CNBD1: variants seen among roughly 807,000 people sequenced by gnomAD.
CNBD1 encodes the protein cyclic nucleotide-binding domain-containing protein 1.
Under a neutral mutation model 54.4 loss-of-function variants are expected in CNBD1, and 71 were observed. That is an observed-to-expected ratio of 1.30 (90% CI 1.08 to 1.59). The LOEUF (loss-of-function observed/expected upper bound fraction) is 1.59. Ranked by LOEUF, CNBD1 falls within the 40% of genes most tolerant of loss-of-function variation. CNBD1 has a pLI of 0.00. For missense variants in CNBD1, 659 were observed against 518.0 expected (o/e 1.27, Z -2.64); for synonymous variants, 182 against 170.7 (o/e 1.07, Z -0.51).
chr8:86,923,069 C>A (rs532212215), intron 3 of CNBD1, among the ~76,000 whole-genome samples: 1 of 152,152 alleles, frequency 6.6e-6, no homozygotes. Context: ...GCGTTTTTAA[C>A]AAAGAATTGG....
At chr8:87,172,014 G>T (rs547060478) in intron 4 of CNBD1, among the ~76,000 whole-genome samples, 1 of 152,158 alleles carries the variant, frequency 6.6e-6, no homozygotes, top group African/African-American at 2.4e-5. Context: ...CAAAGGTTTT[G>T]TGTGTTGTGT....
intron 3 of CNBD1, among the ~76,000 whole-genome samples, chr8:86,911,491 A>C (rs1226408460): frequency 6.6e-6 from 1 of 152,228 alleles, no homozygotes; most frequent in East Asian, 1.9e-4. Context: ...AGATGTATGT[A>C]TTTTTGGACA....
At chr8:87,014,596 A>C (rs901948638) in intron 4 of CNBD1, among the ~76,000 whole-genome samples, 50 of 152,092 alleles carry the variant, frequency 3.3e-4, no homozygotes, top group African/African-American at 9.9e-4. Context: ...AAACTACAAG[A>C]TTAATTGGGT....
At chr8:87,123,510 C>G (rs1186515635) in intron 4 of CNBD1, among the ~76,000 whole-genome samples, 5 of 151,638 alleles carry the variant, frequency 3.3e-5, no homozygotes, top group African/African-American at 1.2e-4. Context: ...TTATGGAATG[C>G]AGCAAAAGCA....
At chr8:87,384,936 A>T (rs1322639834), downstream of CNBD1, among the ~76,000 whole-genome samples, 1 of 152,202 alleles carries the variant, frequency 6.6e-6, no homozygotes, top group Non-Finnish European at 1.5e-5. Context: ...GGGGAAAAGT[A>T]AATGTGAGAC....
chr8:86,944,255 T>C (rs1807412221), intron 4 of CNBD1, among the ~76,000 whole-genome samples: 1 of 152,258 alleles, frequency 6.6e-6, no homozygotes, highest in Non-Finnish European at 1.5e-5. Flanking sequence ...CATTAATTAA[T>C]GAATCCAACA....
intron 2 of CNBD1, among the ~76,000 whole-genome samples, chr8:87,411,364 A>G (rs1807738313): frequency 7.3e-6 from 1 of 137,496 alleles, no homozygotes; most frequent in Non-Finnish European, 1.5e-5. Flanking sequence ...GCTTTGCCCA[A>G]GCATTTCATA....
intron 2 of CNBD1, among the ~76,000 whole-genome samples, chr8:87,406,447 T>TACACACACACACACAC (rs36222951): frequency 8.2e-6 from 1 of 122,166 alleles, no homozygotes; most frequent in African/African-American, 3.6e-5. Flanking sequence ...TATGTGTGTA[T>TACACACACACACACAC]ACACACACAC....
At chr8:86,870,211 C>T (rs1320126998) in intron 1 of CNBD1, among the ~76,000 whole-genome samples, 2 of 29,690 alleles carry the variant, frequency 6.7e-5, no homozygotes, top group African/African-American at 2.2e-4. Context: ...TTTTCTGAGA[C>T]GGAATCTCGC....
intron 8 of CNBD1, among the ~76,000 whole-genome samples, chr8:87,301,219 AC>A (rs1252271036): frequency 6.6e-6 from 1 of 152,148 alleles, no homozygotes; most frequent in Non-Finnish European, 1.5e-5. Context: ...AAAATTGCCA[AC>A]AAAAAAAGTC....
chr8:87,205,759 G>A (rs1336441431), intron 4 of CNBD1, among the ~76,000 whole-genome samples: 1 of 152,052 alleles, frequency 6.6e-6, no homozygotes, highest in Non-Finnish European at 1.5e-5. Context: ...TATTTAAAAA[G>A]GCATTGTGTA....
At chr8:87,272,902 C>T (rs186947953) in intron 6 of CNBD1, among the ~76,000 whole-genome samples, 1 of 151,798 alleles carries the variant, frequency 6.6e-6, no homozygotes, top group African/African-American at 2.4e-5. Context: ...CATTATAACA[C>T]AGAAATATTT....
chr8:87,400,858 A>T (rs1395376962), intron 2 of CNBD1, among the ~76,000 whole-genome samples: 1 of 152,014 alleles, frequency 6.6e-6, no homozygotes, highest in Non-Finnish European at 1.5e-5. Context: ...TGCTTTTTAA[A>T]GAATAATCAT....
At chr8:87,172,941 C>G (rs991165864) in intron 4 of CNBD1, among the ~76,000 whole-genome samples, 6 of 151,694 alleles carry the variant, frequency 4.0e-5, no homozygotes, top group African/African-American at 1.5e-4. Context: ...TATTTTGTGG[C>G]CTTTCTCTTC....
intron 2 of CNBD1, among the ~76,000 whole-genome samples, chr8:87,396,891 CTTT>C (rs34163158): frequency 7.2e-6 from 1 of 139,440 alleles, no homozygotes; most frequent in Non-Finnish European, 1.5e-5. Flanking sequence ...AGTTTGTTTT[CTTT>C]TTTTTTTTTT....
At chr8:87,031,160 G>A in intron 4 of CNBD1, among the ~76,000 whole-genome samples, 1 of 151,522 alleles carries the variant, frequency 6.6e-6, no homozygotes, top group African/African-American at 2.4e-5. Flanking sequence ...GGGAATAGGG[G>A]GTTAGAAATG....
At chr8:87,348,199 CTTCA>C (rs1286767766) in intron 8 of CNBD1, among the ~76,000 whole-genome samples, 1 of 152,084 alleles carries the variant, frequency 6.6e-6, no homozygotes. Context: ...TTAATCAAAA[CTTCA>C]TTCTTCTCAG....
chr8:87,261,529 C>CAAA lies in CNBD1; in HGVS notation c.772-23133_772-23131dup, dbSNP rs34576530. 7.2e-4 allele frequency among the ~76,000 whole-genome samples: 87 copies of CAAA among 120,222 alleles called. 1 individual carries two copies. Among genetic ancestry groups the CAAA allele is most frequent in the African/African-American group, 2.4e-3 (81 of 33,152 alleles). 78.9% of individuals were successfully genotyped at this position (120,222 alleles called of 152,430 possible). A position where few individuals can be genotyped will look rare whatever the true frequency, so the allele number is the denominator to read the frequency against. Reference sequence around the variant, plus strand: ...TGGTGGAAGAAGTTTTATTTATAGACAAAAAAAAAAAAAAAAAAGAGAAAT... The same window carrying CAAA: ...TGGTGGAAGAAGTTTTATTTATAGACAAAAAAAAAAAAAAAAAAAAAGAGAAAT... On this transcript the variant is annotated intron_variant, in intron 6 of 10. Coordinates refer to ENST00000518476, the MANE Select transcript of CNBD1 (RefSeq NM_173538.3).
At position 87,206,105 on chromosome 8, in the gene CNBD1, G is replaced by A. The variant is rs770042619; in HGVS notation, c.544G>A (p.Val182Ile). The A allele has an allele frequency of 4.4e-6, 7 of 1,589,538 alleles. No individual in the cohort carries two copies. The African/African-American group carries it at 9.6e-5, about 22-fold the overall frequency. The change falls in exon 5 of 11, where the codon GTC (valine) becomes ATC (isoleucine). Residue 182 changes from valine to isoleucine, a missense_variant. Physicochemically the swap from Val to Ile is conservative, Grantham distance 29. Transcript: ENST00000518476. ...DKHLKTLSKTVFSETWLKGST... is the reference protein window; with the variant it reads ...DKHLKTLSKTIFSETWLKGST... ...GCATCTGAAAACACTTAGTAAGACT[G>A]TCTTTTCCGAAACCTGGTTGAAAGG... is the stretch of plus-strand genomic sequence containing the variant.
Sources: gnomAD v4.1 joint callset for allele counts (sites outside exome capture counted in the v4.1 genomes callset) on GRCh38, gnomAD v4.1.1 for gene constraint, MANE v1.5 for transcripts, NCBI Gene and HGNC (gene_info 2026-07-23, HGNC 2026-07-21) for gene names.